The following CYP7B1 variants were observed in gnomAD, a reference collection of about 807,000 sequenced individuals.
CYP7B1 encodes cytochrome P450 7B1.
Under a neutral mutation model 42.7 loss-of-function variants are expected in CYP7B1, and 29 were observed. That is an observed-to-expected ratio of 0.68 (90% CI 0.51 to 0.93). CYP7B1 has a LOEUF of 0.93. CYP7B1 is among the 40% of genes least tolerant of loss of function. CYP7B1 has a pLI of 0.00. For missense variants in CYP7B1, 655 were observed against 600.5 expected (o/e 1.09, Z -0.95); for synonymous variants, 235 against 218.2 (o/e 1.08, Z -0.68).
Position 64,592,934 on chromosome 8 carries a change from G to T in CYP7B1, c.*3708C>A, listed in dbSNP as rs1186991086. Among the ~76,000 whole-genome samples, 1 of 152,120 alleles carries T rather than the reference G, an allele frequency of 6.6e-6. No homozygotes were observed. Among genetic ancestry groups the T allele is most frequent in the South Asian group, 2.1e-4 (1 of 4,822 alleles). ...GTTACTGGATTTAAGACTGTCACAAGATTCTCAATGTTTTGTTTTGGTTCT... is the reference window on the plus strand; with the variant it reads ...GTTACTGGATTTAAGACTGTCACAATATTCTCAATGTTTTGTTTTGGTTCT... On this transcript the variant is annotated 3_prime_UTR_variant, in exon 6 of 6. Transcript: ENST00000310193.
At chr8:64,625,707 A>G (rs1339761894) in intron 1 of CYP7B1, among the ~76,000 whole-genome samples, 1 of 152,188 alleles carries the variant, frequency 6.6e-6, no homozygotes, top group Non-Finnish European at 1.5e-5. Context: ...AACAATGTCA[A>G]TTACTGATTA....
chr8:64,697,620 G>C (rs1806848901), intron 1 of CYP7B1, among the ~76,000 whole-genome samples: 1 of 152,208 alleles, frequency 6.6e-6, no homozygotes, highest in African/African-American at 2.4e-5. Context: ...GGCTGTTTTT[G>C]TGCCTTATCT....
Position 64,793,692 on chromosome 8 carries a change from A to G in CYP7B1, c.122+4774T>C, listed in dbSNP as rs1234425587. Among the ~76,000 whole-genome samples, 3 of 152,082 alleles carry G rather than the reference A, an allele frequency of 2.0e-5. No homozygotes were observed. In the East Asian group the frequency reaches 5.8e-4, roughly 29 times the overall value. On this transcript the variant is annotated intron_variant, in intron 1 of 5. Coordinates refer to ENST00000310193, the MANE Select transcript of CYP7B1 (RefSeq NM_004820.5). ...CTTCCAATGGAAATGATAATTTAAA[A>G]CACTTTAAACATTTTTCTCAAAGTT...
chr8:64,722,888 G>C (rs1807267580), intron 1 of CYP7B1, among the ~76,000 whole-genome samples: 1 of 151,952 alleles, frequency 6.6e-6, no homozygotes, highest in African/African-American at 2.4e-5. Context: ...TGTCTTCTTA[G>C]GGTGAAACTG....
chr8:64,798,006 G>C (rs1804731969), intron 1 of CYP7B1, among the ~76,000 whole-genome samples: 1 of 152,182 alleles, frequency 6.6e-6, no homozygotes, highest in African/African-American at 2.4e-5. Context: ...TCCAAATGAG[G>C]TACAGTGAGG....
At chr8:64,609,596 C>T (rs1463519284) in intron 4 of CYP7B1, among the ~76,000 whole-genome samples, 4 of 152,116 alleles carry the variant, frequency 2.6e-5, no homozygotes, top group Admixed American at 6.5e-5. Flanking sequence ...AGTCAATGTG[C>T]CTCTTAAGAC....
At chr8:64,743,121 T>C (rs1807593541) in intron 1 of CYP7B1, among the ~76,000 whole-genome samples, 1 of 152,148 alleles carries the variant, frequency 6.6e-6, no homozygotes, top group African/African-American at 2.4e-5. Context: ...AGAAGTCAGA[T>C]TAGCCAAAAA....
At position 64,604,854 on chromosome 8, in the gene CYP7B1, C is replaced by T. The variant is rs753708048; in HGVS notation, c.1061G>A (p.Ser354Asn). ...CAGTCGTAAAGCTTCAAAAATGCTGCTTTCTGAAGGAAAAAAACAAACGAT... is the reference window on the plus strand; with the variant it reads ...CAGTCGTAAAGCTTCAAAAATGCTGTTTTCTGAAGGAAAAAAACAAACGAT... ...EQLDSLICLE[S>N]SIFEALRLSS... Residue 354 changes from serine to asparagine, a missense_variant, in exon 5 of 6, where the codon AGC becomes AAC. Physicochemically the swap from Ser to Asn is conservative, Grantham distance 46. Transcript: ENST00000310193. 35 of 1,613,544 alleles carry T rather than the reference C, an allele frequency of 2.2e-5. No homozygotes were observed. The highest frequency in any genetic ancestry group is 2.9e-5 in the Non-Finnish European group (34 of 1,179,976).
intron 1 of CYP7B1, among the ~76,000 whole-genome samples, chr8:64,648,148 A>T (rs1419590781): frequency 1.3e-5 from 2 of 152,232 alleles, no homozygotes; most frequent in Non-Finnish European, 2.9e-5. Context: ...AAAGGTATAT[A>T]TAAAAAGTTA....
At chr8:64,764,337 T>C (rs1807939556) in intron 1 of CYP7B1, among the ~76,000 whole-genome samples, 2 of 147,670 alleles carry the variant, frequency 1.4e-5, no homozygotes, top group South Asian at 4.3e-4. Context: ...TGGAACTGGG[T>C]CTACAACAAC....
intron 1 of CYP7B1, among the ~76,000 whole-genome samples, chr8:64,708,736 C>T (rs1807036827): frequency 6.6e-6 from 1 of 152,086 alleles, no homozygotes; most frequent in Non-Finnish European, 1.5e-5. Flanking sequence ...GTATATAATA[C>T]ACGCATTTGA....
At chr8:64,623,451 A>G (rs1046536494) in intron 2 of CYP7B1, among the ~76,000 whole-genome samples, 1 of 152,242 alleles carries the variant, frequency 6.6e-6, no homozygotes, top group Non-Finnish European at 1.5e-5. Context: ...GTTCCCATCC[A>G]GAGTCCAGAA....
intron 4 of CYP7B1, among the ~76,000 whole-genome samples, chr8:64,605,542 C>T (rs976905213): frequency 5.9e-5 from 9 of 152,142 alleles, no homozygotes; most frequent in Non-Finnish European, 8.8e-5. Context: ...ACTCCTAGCA[C>T]GACAGATTTT....
At chr8:64,710,251 T>C (rs1200182341) in intron 1 of CYP7B1, among the ~76,000 whole-genome samples, 2 of 152,154 alleles carry the variant, frequency 1.3e-5, no homozygotes, top group Admixed American at 6.6e-5. Flanking sequence ...ATGACACAAA[T>C]AAGATTCAAA....
chr8:64,781,449 A>G (rs917240561), intron 1 of CYP7B1, among the ~76,000 whole-genome samples: 2 of 152,106 alleles, frequency 1.3e-5, no homozygotes, highest in Non-Finnish European at 2.9e-5. Flanking sequence ...CAGGGCAGGT[A>G]TGGCTGAATT....
At chr8:64,587,064 G>C (rs1484497155), downstream of CYP7B1, among the ~76,000 whole-genome samples, 3 of 152,252 alleles carry the variant, frequency 2.0e-5, no homozygotes, top group African/African-American at 7.2e-5. Context: ...TAGAACCAAG[G>C]TTCCAGTAAA....
chr8:64,594,654 T>C lies in CYP7B1; in HGVS notation c.*1988A>G, dbSNP rs1805090767. On this transcript the variant is annotated 3_prime_UTR_variant, in exon 6 of 6. Coordinates refer to ENST00000310193, the MANE Select transcript of CYP7B1 (RefSeq NM_004820.5). Reference sequence around the variant, plus strand: ...AGTGTAAGGAGAGTGATCACTCAACTCGATGAACCTAGAGTTAAAACAAAA... The same window carrying C: ...AGTGTAAGGAGAGTGATCACTCAACCCGATGAACCTAGAGTTAAAACAAAA... Among the ~76,000 whole-genome samples the C allele has an allele frequency of 6.6e-6, 1 of 152,114 alleles. No individual in the cohort carries two copies. The highest frequency in any genetic ancestry group is 1.5e-5 in the Non-Finnish European group (1 of 68,028).
intron 1 of CYP7B1, among the ~76,000 whole-genome samples, chr8:64,763,642 CT>C (rs1220579097): frequency 6.6e-6 from 1 of 152,198 alleles, no homozygotes; most frequent in Non-Finnish European, 1.5e-5. Flanking sequence ...TGGGGAAGGG[CT>C]TTCTAACAAC....
chr8:64,789,866 C>T (rs1394383991), intron 1 of CYP7B1, among the ~76,000 whole-genome samples: 1 of 152,168 alleles, frequency 6.6e-6, no homozygotes, highest in African/African-American at 2.4e-5. Context: ...AATGAACCTG[C>T]AATGCATAAG....
Sources: gnomAD v4.1 joint callset for allele counts (sites outside exome capture counted in the v4.1 genomes callset) on GRCh38, gnomAD v4.1.1 for gene constraint, MANE v1.5 for transcripts, NCBI Gene and HGNC (gene_info 2026-07-23, HGNC 2026-07-21) for gene names.